CCDC93: variants seen among roughly 807,000 people sequenced by gnomAD.
CCDC93 encodes the protein CCC complex scaffolding subunit CCDC93, also known as coiled-coil domain-containing protein 93.
Under a neutral mutation model 108.2 loss-of-function variants are expected in CCDC93, and 61 were observed. The ratio of observed to expected loss-of-function variants is 0.56; its 90% CI spans 0.46 to 0.70. CCDC93 has a LOEUF of 0.70. Among genes scored for constraint, CCDC93 ranks in the 30% least tolerant of loss-of-function variants. CCDC93 has a pLI of 0.00. For synonymous variants in CCDC93, 276 were observed against 260.4 expected (o/e 1.06, Z -0.58); for missense variants, 685 against 764.2 (o/e 0.90, Z 1.22).
intron 23 of CCDC93, among the ~76,000 whole-genome samples, chr2:117,929,757 C>T (rs985257886): frequency 6.6e-6 from 1 of 152,188 alleles, no homozygotes; most frequent in Non-Finnish European, 1.5e-5. Context: ...CTGTGCTAGC[C>T]TCAAAGGAGT....
At chr2:118,008,959 G>C (rs747086725) in intron 1 of CCDC93, 2 of 255,092 alleles carry the variant, frequency 7.8e-6, no homozygotes, top group Non-Finnish European at 1.5e-5. Flanking sequence ...AGGAAGGTTA[G>C]AGCACAATAC....
chr2:117,985,930 C>G, intron 7 of CCDC93, 39 bp downstream of exon 7: 2 of 1,262,202 alleles, frequency 1.6e-6, no homozygotes, highest in Non-Finnish European at 2.3e-6. Context: ...ATTAGCTTTT[C>G]TTTTAAAAGA....
At chr2:117,948,309 G>GC in intron 14 of CCDC93, 123 bp from the exon 15 acceptor site, 1 of 658,010 alleles carries the variant, frequency 1.5e-6, no homozygotes. Flanking sequence ...AGCTCTAAGA[G>GC]TGTCTCACAG....
intron 10 of CCDC93, among the ~76,000 whole-genome samples, chr2:117,974,549 C>T (rs1340901844): frequency 6.6e-6 from 1 of 152,182 alleles, no homozygotes; most frequent in East Asian, 1.9e-4. Flanking sequence ...AAGACAAGAG[C>T]TGCCTCAGCA....
intron 11 of CCDC93, 35 bp downstream of exon 11, chr2:117,973,873 T>C (rs1331400158): frequency 4.6e-6 from 7 of 1,509,396 alleles, no homozygotes; most frequent in Admixed American, 3.5e-5. Context: ...TGGAGCATTA[T>C]CTGGGGCACA....
intron 15 of CCDC93, 130 bp downstream of exon 15, chr2:117,947,975 T>G (rs1386716163): frequency 1.5e-5 from 11 of 722,076 alleles, no homozygotes; most frequent in Non-Finnish European, 2.2e-5. Context: ...ATTACAGGCA[T>G]GAGCCACTGC....
intron 23 of CCDC93, among the ~76,000 whole-genome samples, chr2:117,923,708 G>GA (rs1036053382): frequency 0.18 from 17 of 92 alleles, no homozygotes; most frequent in African/African-American, 0.36. Context: ...TCTGGGGGCA[G>GA]GCATAGCCAA....
At chr2:117,938,213 G>A (rs1161723714) in intron 20 of CCDC93, among the ~76,000 whole-genome samples, 1 of 152,154 alleles carries the variant, frequency 6.6e-6, no homozygotes, top group Non-Finnish European at 1.5e-5. Flanking sequence ...AGAAAAAAGA[G>A]GCCACATTAA....
chr2:117,921,878 C>CT (rs1047634495), intron 23 of CCDC93: 1 of 151,796 alleles, frequency 6.6e-6, no homozygotes, highest in Non-Finnish European at 1.5e-5. Flanking sequence ...GCAAGGTGCT[C>CT]TGACACTTTT....
chr2:117,936,798 T>C (rs1678541947), intron 20 of CCDC93, 59 bp from the exon 21 acceptor site: 1 of 1,295,224 alleles, frequency 7.7e-7, no homozygotes, highest in Non-Finnish European at 1.1e-6. Context: ...TCCACACTAC[T>C]GCAACTGCTG....
intron 12 of CCDC93, among the ~76,000 whole-genome samples, chr2:117,955,902 C>G (rs1314970543): frequency 6.6e-6 from 1 of 152,216 alleles, no homozygotes; most frequent in African/African-American, 2.4e-5. Context: ...CCAGGAAACA[C>G]AGCAGACACA....
At chr2:117,985,483 T>C in intron 7 of CCDC93, 8 of 944,584 alleles carry the variant, frequency 8.5e-6, no homozygotes, top group Non-Finnish European at 1.0e-5. Flanking sequence ...AGCATGTCCT[T>C]GCACTTTTTT....
intron 16 of CCDC93, among the ~76,000 whole-genome samples, chr2:117,945,940 A>G (rs1678858449): frequency 6.6e-6 from 1 of 152,228 alleles, no homozygotes; most frequent in South Asian, 2.1e-4. Flanking sequence ...TTAAAGGTTT[A>G]AAGTTTTAGA....
At position 117,919,287 on chromosome 2, in the gene CCDC93, G is replaced by A. The variant is rs913128368; in HGVS notation, c.*1056C>T. On this transcript the variant is annotated 3_prime_UTR_variant, in exon 24 of 24. Transcript: ENST00000376300. ...CCTCCTTTCCCAACATGCATGCCTT[G>A]TACTCCTCTGCACTCTCTTGGGTTT... The A allele has an allele frequency of 6.6e-6, 1 of 152,076 alleles. No homozygotes were observed. Among genetic ancestry groups the A allele is most frequent in the South Asian group, 2.1e-4 (1 of 4,826 alleles). The allele number at this position is 152,076 out of a possible 1,614,324, so 9.4% of individuals were successfully genotyped here.
At chr2:117,975,075 A>G in intron 9 of CCDC93, 113 bp downstream of exon 9, 1 of 1,073,776 alleles carries the variant, frequency 9.3e-7, no homozygotes, top group East Asian at 2.4e-5. Context: ...AGACCTGCTC[A>G]CAGCAGCTGG....
Position 117,941,284 on chromosome 2 carries a change from C to T in CCDC93, c.1427G>A (p.Arg476Gln), listed in dbSNP as rs144153360. Residue 476 changes from arginine to glutamine, a missense_variant, in exon 19 of 24, where the codon CGA (arginine) becomes CAA (glutamine). Coordinates refer to ENST00000376300, the MANE Select transcript of CCDC93 (RefSeq NM_019044.5). ...KIRLLQARRN[R>Q]EIAILHRKID... ...CTTGCGGTGCAAAATTGCTATTTCTCGATTTCTTCGAGCCTAAATGCAAAA... is the reference window on the plus strand; with the variant it reads ...CTTGCGGTGCAAAATTGCTATTTCTTGATTTCTTCGAGCCTAAATGCAAAA... The T allele has an allele frequency of 1.0e-3, 1,689 of 1,613,620 alleles. 3 individuals carry two copies. Among genetic ancestry groups the T allele is most frequent in the Non-Finnish European group, 1.4e-3 (1,594 of 1,179,606 alleles).
intron 20 of CCDC93, chr2:117,936,958 C>G (rs1193821115): frequency 3.6e-6 from 2 of 554,120 alleles, no homozygotes; most frequent in African/African-American, 1.9e-5. Flanking sequence ...AAAATTCCCT[C>G]TTCCTACAGG....
intron 1 of CCDC93, among the ~76,000 whole-genome samples, chr2:118,013,629 C>G (rs1243072341): frequency 2.0e-5 from 3 of 152,174 alleles, no homozygotes; most frequent in Non-Finnish European, 2.9e-5. Flanking sequence ...GGAGCCCGTC[C>G]CGGACAGGGA....
intron 12 of CCDC93, among the ~76,000 whole-genome samples, 161 bp from the exon 13 acceptor site, chr2:117,952,596 TATTTA>T (rs1239002407): frequency 6.6e-6 from 1 of 152,246 alleles, no homozygotes; most frequent in Admixed American, 6.5e-5. Flanking sequence ...AAAAACCTCA[TATTTA>T]ATTAGCACCA....
Sources: gnomAD v4.1 joint callset for allele counts (sites outside exome capture counted in the v4.1 genomes callset) on GRCh38, gnomAD v4.1.1 for gene constraint, MANE v1.5 for transcripts, NCBI Gene and HGNC (gene_info 2026-07-23, HGNC 2026-07-21) for gene names.